Variants in TAGLN observed in about 807,000 individuals in gnomAD.
The protein encoded by TAGLN is transgelin.
In TAGLN, 16 loss-of-function variants were observed where a neutral mutation model predicts 21.9. That is an observed-to-expected ratio of 0.73 (90% CI 0.49 to 1.11). TAGLN has a LOEUF of 1.11. Among genes scored for constraint, TAGLN ranks in the 50% least tolerant of loss-of-function variants. The pLI, the probability that TAGLN is intolerant of heterozygous loss-of-function variation, is 0.00. For missense variants in TAGLN, 248 were observed against 263.2 expected, an observed-to-expected ratio of 0.94 and a Z score of 0.40; for synonymous variants, 96 against 94.9, an observed-to-expected ratio of 1.01 and a Z score of -0.06.
intron 1 of TAGLN, chr11:117,201,618 G>A (rs909864591): frequency 3.3e-5 from 5 of 152,310 alleles, no homozygotes; most frequent in Non-Finnish European, 7.3e-5. Flanking sequence ...CTTCACAGAT[G>A]AGGAACTCCA....
At position 117,203,583 on chromosome 11, in the gene TAGLN, T is replaced by C. The variant is rs2269397; in HGVS notation, c.358+99T>C. ...AATATGCCACAACTAGGGGTGTGCT[T>C]GCCCGCACACAGCAGGGATGGGATA... On this transcript the variant is annotated intron_variant, in intron 3 of 4. Coordinates refer to ENST00000392951, the MANE Select transcript of TAGLN (RefSeq NM_003186.5). The surrounding 1 kb of genome is among the most constrained non-coding windows in gnomAD (Gnocchi z 4.4). 0.11 allele frequency: 158,076 copies of C among 1,417,774 alleles called. 13,285 individuals carry two copies. The highest frequency in any genetic ancestry group is 0.44 in the African/African-American group (31,487 of 71,228). The allele number at this position is 1,417,774 out of a possible 1,614,324, so 87.8% of individuals were successfully genotyped here. A position where few individuals can be genotyped will look rare whatever the true frequency, so the allele number is the denominator to read the frequency against.
rs1299895533 is a variant in TAGLN, at chr11:117,206,308, T to C, written c.*1949T>C. ...CTCTGGCTCAAATATACTTCCAGCA[T>C]GTAGTAAACAGTCCAGAAGACGGTG... is the stretch of plus-strand genomic sequence containing the variant. On this transcript the variant is annotated 3_prime_UTR_variant, in exon 5 of 5. Transcript: ENST00000392951. The C allele has an allele frequency of 1.2e-6, 2 of 1,613,994 alleles. No individual in the cohort carries two copies. The highest frequency in any genetic ancestry group is 1.7e-5 in the Admixed American group (1 of 59,990).
Position 117,203,116 on chromosome 11 carries a change from A to G in TAGLN, c.103A>G (p.Ile35Val), listed in dbSNP as rs2031167214. Residue 35 changes from isoleucine (I) to valine (V), a missense_variant, in exon 2 of 5, where the codon ATA becomes GTA. By Grantham distance (29) the Ile-to-Val change is conservative (BLOSUM62 3). Transcript: ENST00000392951. This position sits in a 1 kb window ranked among gnomAD's most constrained non-coding sequence, Gnocchi z 4.4. ...ELEERLVEWI[I>V]VQCGPDVGRP... The stretch of plus-strand genomic sequence containing the variant: ...GGAGGAGCGGCTGGTGGAGTGGATC[A>G]TAGTGCAGTGTGGCCCTGATGTGGG... The G allele has an allele frequency of 4.3e-6, 7 of 1,612,240 alleles. No individual in the cohort carries two copies. The highest frequency in any genetic ancestry group is 1.1e-5 in the South Asian group (1 of 90,804).
In TAGLN at chr11:117,204,581, C is replaced by T. The variant is rs998772382; in HGVS notation, c.*222C>T. ...AGCATCACTGCCTTGGCCCCTCCCT[C>T]CCGGCTGCCCCCATCACCTCTACTG... On this transcript the variant is annotated 3_prime_UTR_variant, in exon 5 of 5. Transcript: ENST00000392951. The T allele has an allele frequency of 1.5e-4, 99 of 676,664 alleles. No individual in the cohort carries two copies. Among genetic ancestry groups the T allele is most frequent in the Non-Finnish European group, 2.1e-4 (79 of 382,444 alleles). The allele number at this position is 676,664 out of a possible 1,614,324, so 41.9% of individuals were successfully genotyped here. A position where few individuals can be genotyped will look rare whatever the true frequency, so the allele number is the denominator to read the frequency against.
At position 117,203,306 on chromosome 11, in the gene TAGLN, G is replaced by C; in HGVS notation, c.181-1G>C. The C allele has an allele frequency of 1.2e-6, 2 of 1,614,142 alleles. No homozygotes were observed. ...TGCGTCCTATGCCCTATGCCTGGTA[G>C]ATTCTGAGCAAGCTGGTGAACAGCC... On this transcript the variant is annotated splice_acceptor_variant, in intron 2 of 4. Coordinates refer to ENST00000392951, the MANE Select transcript of TAGLN (RefSeq NM_003186.5). LOFTEE classifies it high-confidence loss of function. This position sits in a 1 kb window ranked among gnomAD's most constrained non-coding sequence, Gnocchi z 4.4.
chr11:117,206,414 T>C lies in TAGLN; in HGVS notation c.*2055T>C. 1 of 1,566,862 alleles carries C rather than the reference T, an allele frequency of 6.4e-7. No homozygotes were observed. Among genetic ancestry groups the C allele is most frequent in the East Asian group, 2.3e-5 (1 of 44,438 alleles). On this transcript the variant is annotated 3_prime_UTR_variant, in exon 5 of 5. Coordinates refer to ENST00000392951, the MANE Select transcript of TAGLN (RefSeq NM_003186.5). ...TGTTTCCCGAAGCCTACAGCCTTTC[T>C]CAGCCCAGGACAATGAGCTCAGAAA...
At position 117,203,742 on chromosome 11, in the gene TAGLN, C is replaced by T. The variant is rs774954222; in HGVS notation, c.359-40C>T. On this transcript the variant is annotated intron_variant, in intron 3 of 4. Coordinates refer to ENST00000392951, the MANE Select transcript of TAGLN (RefSeq NM_003186.5). The surrounding 1 kb of genome is among the most constrained non-coding windows in gnomAD (Gnocchi z 4.4). ...GCCCTGGCTTGGAGTCTTGTTTATA[C>T]GTTCTTGATGTTCATCTCCTCTCTC... 92 of 1,586,806 alleles carry T rather than the reference C, an allele frequency of 5.8e-5. No homozygotes were observed. The highest frequency in any genetic ancestry group is 1.7e-4 in the Middle Eastern group (1 of 5,746).
In TAGLN at chr11:117,203,429, T is replaced by C; in HGVS notation, c.303T>C (p.Ala101=). 6.2e-7 allele frequency: 1 copy of C among 1,614,162 alleles called. No individual in the cohort carries two copies. The highest frequency in any genetic ancestry group is 1.1e-5 in the South Asian group (1 of 91,082). The change falls in exon 3 of 5, where the codon GCT becomes GCC. Residue 101 remains alanine (A), a synonymous_variant. Transcript: ENST00000392951. The surrounding 1 kb of genome is among the most constrained non-coding windows in gnomAD (Gnocchi z 4.4). ...MEQVAQFLKA[A]EDYGVIKTDM... ...AGGTGGCTCAGTTCCTGAAGGCGGC[T>C]GAGGACTATGGGGTCATCAAGACTG...
chr11:117,200,411 C>A (rs1295014058), intron 1 of TAGLN: 1 of 152,390 alleles, frequency 6.6e-6, no homozygotes, highest in Admixed American at 6.5e-5. Context: ...ACCCACTGGG[C>A]AGCTCAGGGG....
rs751587553 is a variant in TAGLN, at chr11:117,203,661, A to G, written c.359-121A>G. 1.4e-5 allele frequency: 18 copies of G among 1,271,016 alleles called. No homozygotes were observed. In the African/African-American group the frequency reaches 2.1e-4, roughly 15 times the overall value. 78.7% of individuals were successfully genotyped at this position (1,271,016 alleles called of 1,614,324 possible). Reference sequence around the variant, plus strand: ...GGGCCCACTGAGAGGCCTCCCTTGAATTGGGGACAACTCTTGGCCCTGGTT... The same window carrying G: ...GGGCCCACTGAGAGGCCTCCCTTGAGTTGGGGACAACTCTTGGCCCTGGTT... On this transcript the variant is annotated intron_variant, in intron 3 of 4. Transcript: ENST00000392951. This position sits in a 1 kb window ranked among gnomAD's most constrained non-coding sequence, Gnocchi z 4.4.
Position 117,204,551 on chromosome 11 carries a change from C to T in TAGLN, c.*192C>T, listed in dbSNP as rs1448128447. 6.0e-6 allele frequency: 5 copies of T among 830,962 alleles called. No homozygotes were observed. Among genetic ancestry groups the T allele is most frequent in the East Asian group, 2.7e-5 (1 of 36,936 alleles). 51.5% of individuals were successfully genotyped at this position (830,962 alleles called of 1,614,324 possible). A position where few individuals can be genotyped will look rare whatever the true frequency, so the allele number is the denominator to read the frequency against. On this transcript the variant is annotated 3_prime_UTR_variant, in exon 5 of 5. Transcript: ENST00000392951. ...CCCCAGCCTCAGCCCAACTTCTTAC[C>T]CGAAAGCATCACTGCCTTGGCCCCT...
chr11:117,206,178 C>A lies in TAGLN; in HGVS notation c.*1819C>A, dbSNP rs772747362. 1.2e-5 allele frequency: 19 copies of A among 1,613,918 alleles called. No homozygotes were observed. The South Asian group carries it at 2.0e-4, about 17-fold the overall frequency. On this transcript the variant is annotated 3_prime_UTR_variant, in exon 5 of 5. Transcript: ENST00000392951. ...CACTTCGTCTGGATCCTTGCTGCTG[C>A]AAAGTGGCACTGATTCTAGCTCTGT... is the stretch of plus-strand genomic sequence containing the variant.
intron 1 of TAGLN, chr11:117,199,966 G>A (rs1372406424): frequency 6.6e-6 from 1 of 152,208 alleles, no homozygotes; most frequent in African/African-American, 2.4e-5. Context: ...GGGGCAAAGA[G>A]TGGAGACGGA....
chr11:117,204,910 A>AC lies in TAGLN; in HGVS notation c.*554dup, dbSNP rs1299582509. The AC allele has an allele frequency of 1.1e-4, 24 of 212,898 alleles. No individual in the cohort carries two copies. The highest frequency in any genetic ancestry group is 1.6e-4 in the Admixed American group (3 of 19,254). 13.2% of individuals were successfully genotyped at this position (212,898 alleles called of 1,614,324 possible). On this transcript the variant is annotated 3_prime_UTR_variant, in exon 5 of 5. Coordinates refer to ENST00000392951, the MANE Select transcript of TAGLN (RefSeq NM_003186.5). ...GTTCCTGGCTGCCGTCCTCTGAAGG[A>AC]CCCTTCATGTGCCAAGATTCCAGGA...
chr11:117,203,611 C>T lies in TAGLN; in HGVS notation c.358+127C>T, dbSNP rs2031198562. ...CCGCACACAGCAGGGATGGGATATG[C>T]CGAGAATAACACGCCACGCTCACAG... On this transcript the variant is annotated intron_variant, in intron 3 of 4. Transcript: ENST00000392951. This position sits in a 1 kb window ranked among gnomAD's most constrained non-coding sequence, Gnocchi z 4.4. 2 of 1,272,344 alleles carry T rather than the reference C, an allele frequency of 1.6e-6. No homozygotes were observed. Among genetic ancestry groups the T allele is most frequent in the African/African-American group, 3.0e-5 (2 of 67,726 alleles). 78.8% of individuals were successfully genotyped at this position (1,272,344 alleles called of 1,614,324 possible). A position where few individuals can be genotyped will look rare whatever the true frequency, so the allele number is the denominator to read the frequency against.
Position 117,203,321 on chromosome 11 carries a change from G to A in TAGLN, c.195G>A (p.Leu65=), listed in dbSNP as rs1367866755. 1.2e-6 allele frequency: 2 copies of A among 1,614,042 alleles called. No homozygotes were observed. Among genetic ancestry groups the A allele is most frequent in the Admixed American group, 3.3e-5 (2 of 59,992 alleles). Residue 65 remains leucine, a synonymous_variant, in exon 3 of 5, where the codon CTG becomes CTA. Coordinates refer to ENST00000392951, the MANE Select transcript of TAGLN (RefSeq NM_003186.5). The surrounding 1 kb of genome is among the most constrained non-coding windows in gnomAD (Gnocchi z 4.4). ...ATGCCTGGTAGATTCTGAGCAAGCT[G>A]GTGAACAGCCTGTACCCTGATGGCT... ...WLKNGVILSK[L]VNSLYPDGSK... is the part of the protein sequence containing the mutation.
In TAGLN at chr11:117,206,478, T is replaced by G. The variant is rs546995317; in HGVS notation, c.*2119T>G. On this transcript the variant is annotated 3_prime_UTR_variant, in exon 5 of 5. Coordinates refer to ENST00000392951, the MANE Select transcript of TAGLN (RefSeq NM_003186.5). Reference sequence around the variant, plus strand: ...TAGGGACTGCCTTTTTCACCCAAACTGTTCCCTCTGCCCCCTCCCCCGACA... The same window carrying G: ...TAGGGACTGCCTTTTTCACCCAAACGGTTCCCTCTGCCCCCTCCCCCGACA... 7.6e-7 allele frequency: 1 copy of G among 1,307,830 alleles called. No homozygotes were observed. The highest frequency in any genetic ancestry group is 2.5e-5 in the East Asian group (1 of 39,958). 81.0% of individuals were successfully genotyped at this position (1,307,830 alleles called of 1,614,324 possible).
In TAGLN at chr11:117,203,732, C is replaced by A; in HGVS notation, c.359-50C>A. 6.4e-7 allele frequency: 1 copy of A among 1,574,072 alleles called. No homozygotes were observed. The highest frequency in any genetic ancestry group is 8.7e-7 in the Non-Finnish European group (1 of 1,145,962). ...ACGGGGGCAGGCCCTGGCTTGGAGTCTTGTTTATACGTTCTTGATGTTCAT... is the reference window on the plus strand; with the variant it reads ...ACGGGGGCAGGCCCTGGCTTGGAGTATTGTTTATACGTTCTTGATGTTCAT... On this transcript the variant is annotated intron_variant, in intron 3 of 4. Coordinates refer to ENST00000392951, the MANE Select transcript of TAGLN (RefSeq NM_003186.5). This position sits in a 1 kb window ranked among gnomAD's most constrained non-coding sequence, Gnocchi z 4.4.
chr11:117,200,762 T>C (rs2031059103), intron 1 of TAGLN, among the ~76,000 whole-genome samples: 1 of 152,186 alleles, frequency 6.6e-6, no homozygotes, highest in Non-Finnish European at 1.5e-5. Context: ...TTAGCCTTGC[T>C]GCTTTGACCT....
Sources: gnomAD v4.1 joint callset for allele counts (sites outside exome capture counted in the v4.1 genomes callset) on GRCh38, gnomAD v4.1.1 for gene constraint, Gnocchi (gnomAD v3.1) non-coding constraint, MANE v1.5 for transcripts, NCBI Gene and HGNC (gene_info 2026-07-23, HGNC 2026-07-21) for gene names.